Variants in FAM174C observed in about 807,000 individuals in gnomAD.
FAM174C encodes protein FAM174C.
Under a neutral mutation model 12.3 loss-of-function variants are expected in FAM174C, and 19 were observed. The observed-to-expected ratio is 1.55, with a 90% confidence interval of 1.08 to 2.27. FAM174C has a LOEUF of 2.27. Among genes scored for constraint, FAM174C ranks in the 30% most tolerant of loss-of-function variants. FAM174C has a pLI of 0.00. For synonymous variants in FAM174C, 147 were observed against 103.5 expected (o/e 1.42, Z -2.55); for missense variants, 239 against 190.2 (o/e 1.26, Z -1.51).
chr19:1,276,747 C>T (rs2081417284), intron 1 of FAM174C: 1 of 156,846 alleles, frequency 6.4e-6, no homozygotes, highest in Admixed American at 6.3e-5. Context: ...CACACCTCTT[C>T]CTGTGGAAGC....
At chr19:1,278,333 G>A (rs2081424671) in intron 2 of FAM174C, among the ~76,000 whole-genome samples, 1 of 152,116 alleles carries the variant, frequency 6.6e-6, no homozygotes, top group South Asian at 2.1e-4. Flanking sequence ...TGGGCATCGA[G>A]GCAGCTGTCA....
chr19:1,276,128 G>T, intron 1 of FAM174C: 1 of 458,390 alleles, frequency 2.2e-6, no homozygotes, highest in Non-Finnish European at 3.9e-6. Flanking sequence ...GCCGGAGCAT[G>T]CCGGGCAGGG....
In FAM174C at chr19:1,278,811, A is replaced by T; in HGVS notation, c.*34A>T. On this transcript the variant is annotated 3_prime_UTR_variant, in exon 3 of 3. Coordinates refer to ENST00000409293, the MANE Select transcript of FAM174C (RefSeq NM_017914.4). The stretch of plus-strand genomic sequence containing the variant: ...CAGGGAGGCGGCCCTTCCAGCAGCC[A>T]TGAGGGAAGGACAGGAGATGGGGCC... 1 of 1,612,986 alleles carries T rather than the reference A, an allele frequency of 6.2e-7. No homozygotes were observed. The highest frequency in any genetic ancestry group is 8.5e-7 in the Non-Finnish European group (1 of 1,179,884).
At chr19:1,277,851 T>C (rs113531065) in intron 2 of FAM174C, 2,888 of 154,336 alleles carry the variant, frequency 0.019, 101 homozygotes, top group African/African-American at 0.066. Flanking sequence ...CTCTGCTCAC[T>C]GCAACCTCCA....
chr19:1,278,671 G>A (rs969337406), intron 2 of FAM174C, 106 bp from the exon 3 acceptor site: 183 of 1,549,490 alleles, frequency 1.2e-4, no homozygotes, highest in Non-Finnish European at 1.4e-4. Flanking sequence ...CTGGTAGACC[G>A]AGGGGCCTGG....
chr19:1,276,047 T>G, intron 1 of FAM174C: 1 of 544,778 alleles, frequency 1.8e-6, no homozygotes, highest in South Asian at 2.2e-5. Flanking sequence ...GCGCCTGGGG[T>G]TGGAGGTGCC....
In FAM174C at chr19:1,279,222, C is replaced by T. The variant is rs754787394; in HGVS notation, c.*445C>T. 3 of 1,601,132 alleles carry T rather than the reference C, an allele frequency of 1.9e-6. No individual in the cohort carries two copies. Among genetic ancestry groups the T allele is most frequent in the South Asian group, 2.2e-5 (2 of 88,890 alleles). ...CTGGGAACAATAAATGCAGCCATGT[C>T]TCTGCAGCTGGTGCTGACCCCATGC... On this transcript the variant is annotated 3_prime_UTR_variant, in exon 3 of 3. Transcript: ENST00000409293.
intron 1 of FAM174C, chr19:1,276,904 T>G (rs1273452776): frequency 7.8e-6 from 2 of 256,438 alleles, no homozygotes; most frequent in Non-Finnish European, 1.5e-5. Flanking sequence ...AGTCTTTTCA[T>G]CAGTGCAATG....
chr19:1,277,343 G>C, intron 2 of FAM174C, 44 bp downstream of exon 2: 1 of 1,524,618 alleles, frequency 6.6e-7, no homozygotes. Flanking sequence ...GGGCAGGCTG[G>C]GCTGGAGACT....
chr19:1,275,563 TGCTGCAGCCGCC>T lies in FAM174C; in HGVS notation c.20_31del (p.Gln7_Leu10del). 2 of 1,214,686 alleles carry T rather than the reference TGCTGCAGCCGCC, an allele frequency of 1.6e-6. No homozygotes were observed. The highest frequency in any genetic ancestry group is 1.6e-5 in the African/African-American group (1 of 61,386). The allele number at this position is 1,214,686 out of a possible 1,614,324, so 75.2% of individuals were successfully genotyped here. A position where few individuals can be genotyped will look rare whatever the true frequency, so the allele number is the denominator to read the frequency against. On this transcript the variant is annotated inframe_deletion, in exon 1 of 3. Transcript: ENST00000409293. ...TTCCGCCGGGCCATGGGGCCGCGCG[TGCTGCAGCCGCC>T]GCTGCTGCTGCTCCTGCTGGCGCTG...
chr19:1,276,874 C>G (rs2081417948), intron 1 of FAM174C: 1 of 198,560 alleles, frequency 5.0e-6, no homozygotes, highest in Non-Finnish European at 1.0e-5. Flanking sequence ...TTGGCAAAGT[C>G]TCACCCCTGT....
intron 2 of FAM174C, 101 bp downstream of exon 2, chr19:1,277,400 A>G: frequency 6.9e-7 from 1 of 1,459,760 alleles, no homozygotes. Context: ...GGTCCCTGCA[A>G]TCACAGCTGA....
In FAM174C at chr19:1,279,193, CG is replaced by C; in HGVS notation, c.*419del. The C allele has an allele frequency of 6.2e-7, 1 of 1,611,400 alleles. No homozygotes were observed. Among genetic ancestry groups the C allele is most frequent in the South Asian group, 1.1e-5 (1 of 90,936 alleles). On this transcript the variant is annotated 3_prime_UTR_variant, in exon 3 of 3. Coordinates refer to ENST00000409293, the MANE Select transcript of FAM174C (RefSeq NM_017914.4). ...AACCTTTCTGGGAACACCTTCTCGC[CG>C]GGCTGGGAACAATAAATGCAGCCAT...
rs1386807362 is a variant in FAM174C at position 1,275,751 on chromosome 19, TCGGCGCTGACG to T, written c.205_215del (p.Ala69LeufsTer22). 1.3e-6 allele frequency: 2 copies of T among 1,536,022 alleles called. No individual in the cohort carries two copies. The highest frequency in any genetic ancestry group is 8.7e-7 in the Non-Finnish European group (1 of 1,144,826). On this transcript the variant is annotated frameshift_variant, in exon 1 of 3. Transcript: ENST00000409293. LOFTEE classifies it high-confidence loss of function. The stretch of plus-strand genomic sequence containing the variant: ...CACGCGTCCGCCGGGGGCGTCGGGC[TCGGCGCTGACG>T]CGCTCCTTCTACGTGATCCTGGGCT...
At chr19:1,277,009 A>G (rs2081418514) in intron 1 of FAM174C, 174 bp from the exon 2 acceptor site, 1 of 1,010,506 alleles carries the variant, frequency 9.9e-7, no homozygotes, top group Non-Finnish European at 1.4e-6. Flanking sequence ...TCGCCATGGG[A>G]GTGAATGGTA....
intron 2 of FAM174C, among the ~76,000 whole-genome samples, chr19:1,278,552 C>T (rs866063590): frequency 2.6e-5 from 4 of 152,056 alleles, no homozygotes; most frequent in Non-Finnish European, 4.4e-5. Flanking sequence ...TTCTGGGAAC[C>T]CCTCCCAGGT....
intron 1 of FAM174C, 105 bp downstream of exon 1, chr19:1,275,935 C>CCTCCCTCT (rs1202582114): frequency 8.0e-5 from 85 of 1,058,856 alleles, no homozygotes; most frequent in South Asian, 2.6e-4. Context: ...TCCCTCCCTC[C>CCTCCCTCT]CTCCCTCTCT....
At chr19:1,277,996 A>T (rs2081422835) in intron 2 of FAM174C, 1 of 152,522 alleles carries the variant, frequency 6.6e-6, no homozygotes, top group Non-Finnish European at 1.5e-5. Context: ...GCTGGCCTCG[A>T]ACTCCTGACC....
intron 1 of FAM174C, 142 bp downstream of exon 1, chr19:1,275,972 C>T: frequency 1.3e-6 from 1 of 794,390 alleles, no homozygotes; most frequent in Admixed American, 2.7e-5. Flanking sequence ...GTGGGCGGTG[C>T]TGTGCGGGGT....
Sources: gnomAD v4.1 joint callset for allele counts (sites outside exome capture counted in the v4.1 genomes callset) on GRCh38, gnomAD v4.1.1 for gene constraint, MANE v1.5 for transcripts, NCBI Gene and HGNC (gene_info 2026-07-23, HGNC 2026-07-21) for gene names.